NSMCE4A: variants seen among roughly 807,000 people sequenced by gnomAD.
NSMCE4A encodes NSE4A component of SMC5/6 complex, also known as non-structural maintenance of chromosomes element 4 homolog A.
A neutral mutation model predicts 47.9 loss-of-function variants in NSMCE4A; 40 were observed. The observed-to-expected ratio is 0.83, with a 90% confidence interval of 0.65 to 1.09. The LOEUF is 1.09. NSMCE4A is among the 50% of genes least tolerant of loss of function. The pLI is 0.00. For synonymous variants in NSMCE4A, 166 were observed against 178.5 expected (o/e 0.93, Z 0.56); for missense variants, 500 against 507.0 (o/e 0.99, Z 0.13).
chr10:121,965,613 C>A (rs1483088764), intron 4 of NSMCE4A, among the ~76,000 whole-genome samples: 1 of 152,228 alleles, frequency 6.6e-6, no homozygotes, highest in African/African-American at 2.4e-5. Flanking sequence ...CAGATACCTC[C>A]TCAGACACCT....
chr10:121,970,598 C>T (rs1952689700), intron 3 of NSMCE4A, among the ~76,000 whole-genome samples: 1 of 152,066 alleles, frequency 6.6e-6, no homozygotes, highest in Admixed American at 6.5e-5. Context: ...TGAGCTCTGC[C>T]ATCGCAGAGT....
intron 10 of NSMCE4A, among the ~76,000 whole-genome samples, chr10:121,958,825 C>CTTTTTTTTTTTT (rs778070060): frequency 2.7e-5 from 4 of 146,934 alleles, no homozygotes; most frequent in East Asian, 2.0e-4. Flanking sequence ...AGCTGCAAGT[C>CTTTTTTTTTTTT]TTTTTTTTGA....
Position 121,965,284 on chromosome 10 carries a change from A to G in NSMCE4A, c.753+2T>C. On this transcript the variant is annotated splice_donor_variant, in intron 5 of 10. Transcript: ENST00000369023. LOFTEE classifies it high-confidence loss of function. ...TTTTAAAAGCAACATTTTAAAACAA[A>G]CCTGGGCAGGCATTGCCCTCTCCTC... The G allele has an allele frequency of 6.3e-7, 1 of 1,599,262 alleles. No individual in the cohort carries two copies. Among genetic ancestry groups the G allele is most frequent in the East Asian group, 2.2e-5 (1 of 44,786 alleles).
chr10:121,972,249 G>T (rs180929095), intron 2 of NSMCE4A, among the ~76,000 whole-genome samples: 4 of 152,134 alleles, frequency 2.6e-5, no homozygotes, highest in South Asian at 2.1e-4. Flanking sequence ...TTTAACCTGG[G>T]GGGGGCAGAG....
chr10:121,965,449 C>T (rs1239049119), intron 4 of NSMCE4A, 64 bp from the exon 5 acceptor site: 1 of 1,288,356 alleles, frequency 7.8e-7, no homozygotes, highest in Admixed American at 1.8e-5. Flanking sequence ...ACTAACTTTA[C>T]TAACTAAAAG....
At chr10:121,966,041 G>A (rs1952600676) in intron 4 of NSMCE4A, 1 of 152,110 alleles carries the variant, frequency 6.6e-6, no homozygotes, top group Admixed American at 6.5e-5. Flanking sequence ...AATATAACAT[G>A]GTGGGCTACT....
chr10:121,973,861 T>C (rs565025127), intron 2 of NSMCE4A, 143 bp downstream of exon 2: 44 of 621,408 alleles, frequency 7.1e-5, no homozygotes, highest in Admixed American at 2.3e-4. Flanking sequence ...AAAAATGGCA[T>C]TATTGCTATA....
rs1274042482 is a variant in NSMCE4A, at chr10:121,974,977, G to A, written c.189C>T (p.Ser63=). 3 of 1,524,668 alleles carry A rather than the reference G, an allele frequency of 2.0e-6. No individual in the cohort carries two copies. The highest frequency in any genetic ancestry group is 1.4e-5 in the African/African-American group (1 of 69,518). The allele number at this position is 1,524,668 out of a possible 1,614,324, so 94.4% of individuals were successfully genotyped here. The change falls in exon 1 of 11, where the codon TCC becomes TCT. Residue 63 remains serine, a synonymous_variant. Coordinates refer to ENST00000369023, the MANE Select transcript of NSMCE4A (RefSeq NM_017615.3). ...PSLEDTEPSD[S]GDEMMDPASL... is the part of the protein sequence containing the mutation. ...TGGCCGGGTCCATCATCTCGTCCCC[G>A]GAATCCGACGGCTCTGTGTCCTCCA...
At chr10:121,972,580 A>T (rs1459229031) in intron 2 of NSMCE4A, among the ~76,000 whole-genome samples, 1 of 152,200 alleles carries the variant, frequency 6.6e-6, no homozygotes, top group Non-Finnish European at 1.5e-5. Flanking sequence ...ATTGCTTTAA[A>T]TACTGGAAAT....
Position 121,961,488 on chromosome 10 carries a change from C to T in NSMCE4A, c.874G>A (p.Val292Met). ...CGGGGGAAAGAATGAGGATCAACCA[C>T]AAAGTCAAAGAAGGACATTGGGGTA... The part of the protein sequence containing the change: ...PDTPMSFFDF[V>M]VDPHSFPRTV... The change falls in exon 7 of 11, where the codon GTG becomes ATG. Residue 292 changes from valine (V) to methionine (M), a missense_variant. Val to Met is a conservative substitution (Grantham distance 21, BLOSUM62 1). Coordinates refer to ENST00000369023, the MANE Select transcript of NSMCE4A (RefSeq NM_017615.3). 6.4e-7 allele frequency: 1 copy of T among 1,566,192 alleles called. No homozygotes were observed. The highest frequency in any genetic ancestry group is 1.7e-4 in the Middle Eastern group (1 of 5,908).
chr10:121,963,418 C>T (rs1357288287), intron 5 of NSMCE4A, 90 bp from the exon 6 acceptor site: 2 of 705,362 alleles, frequency 2.8e-6, no homozygotes, highest in African/African-American at 3.6e-5. Flanking sequence ...CTTTTCTTCT[C>T]TCTTGCACAC....
At chr10:121,958,693 T>C (rs1471827663) in intron 10 of NSMCE4A, among the ~76,000 whole-genome samples, 1 of 152,002 alleles carries the variant, frequency 6.6e-6, no homozygotes, top group African/African-American at 2.4e-5. Context: ...GGAGCATCCC[T>C]TGAGCCCAGG....
rs759544166 is a variant in NSMCE4A, at chr10:121,961,683, G to A, written c.845-166C>T. 10 of 500,914 alleles carry A rather than the reference G, an allele frequency of 2.0e-5. 1 individual carries two copies. Among genetic ancestry groups the A allele is most frequent in the Middle Eastern group, 4.3e-4 (1 of 2,334 alleles). The allele number at this position is 500,914 out of a possible 1,614,324, so 31.0% of individuals were successfully genotyped here. A position where few individuals can be genotyped will look rare whatever the true frequency, so the allele number is the denominator to read the frequency against. On this transcript the variant is annotated intron_variant, in intron 6 of 10. Coordinates refer to ENST00000369023, the MANE Select transcript of NSMCE4A (RefSeq NM_017615.3). ...AATTTGGCATCTCTACTAAAAACATGTATGCCCACTGACCTGGAAACCACC... is the reference window on the plus strand; with the variant it reads ...AATTTGGCATCTCTACTAAAAACATATATGCCCACTGACCTGGAAACCACC...
chr10:121,963,812 G>A (rs976794339), intron 5 of NSMCE4A, among the ~76,000 whole-genome samples: 2 of 151,774 alleles, frequency 1.3e-5, no homozygotes, highest in Admixed American at 6.6e-5. Context: ...CCCGGGAGGC[G>A]GAGCTTGCAG....
chr10:121,963,251 A>G lies in NSMCE4A; in HGVS notation c.831T>C (p.Tyr277=), dbSNP rs775000751. 4 of 1,606,520 alleles carry G rather than the reference A, an allele frequency of 2.5e-6. No homozygotes were observed. In the African/African-American group the frequency reaches 4.0e-5, roughly 16 times the overall value. Reference sequence around the variant, plus strand: ...TGTTACACTTACGATCTTCTCGAAAATATGTCTGCAACAATCCCAAGATTC... The same window carrying G: ...TGTTACACTTACGATCTTCTCGAAAGTATGTCTGCAACAATCCCAAGATTC... ...VERILGLLQT[Y]FREDPDTPMS... Residue 277 remains tyrosine, a synonymous_variant, in exon 6 of 11, where the codon TAT becomes TAC. Coordinates refer to ENST00000369023, the MANE Select transcript of NSMCE4A (RefSeq NM_017615.3).
At chr10:121,958,587 T>C (rs1413479703) in intron 10 of NSMCE4A, among the ~76,000 whole-genome samples, 1 of 152,114 alleles carries the variant, frequency 6.6e-6, no homozygotes, top group Non-Finnish European at 1.5e-5. Context: ...GGATTCAATA[T>C]TTCACTTATC....
chr10:121,959,886 T>G lies in NSMCE4A; in HGVS notation c.989-291A>C, dbSNP rs953128727. On this transcript the variant is annotated intron_variant, in intron 8 of 10. Coordinates refer to ENST00000369023, the MANE Select transcript of NSMCE4A (RefSeq NM_017615.3). ...CAGAGCTAAGCCCTAGTGAGTCCAA[T>G]AGGACATTGAGAACATTGAAAGTAG... The G allele has an allele frequency of 1.2e-5, 5 of 426,100 alleles. No individual in the cohort carries two copies. In the South Asian group the frequency reaches 1.4e-4, roughly 12 times the overall value. The allele number at this position is 426,100 out of a possible 1,614,324, so 26.4% of individuals were successfully genotyped here. A position where few individuals can be genotyped will look rare whatever the true frequency, so the allele number is the denominator to read the frequency against.
chr10:121,959,034 C>G (rs931641997), intron 10 of NSMCE4A, among the ~76,000 whole-genome samples: 3 of 152,056 alleles, frequency 2.0e-5, no homozygotes, highest in Non-Finnish European at 4.4e-5. Flanking sequence ...AGGCTGATCT[C>G]GAACTCCTGA....
At chr10:121,973,700 C>A (rs1250785935) in intron 2 of NSMCE4A, among the ~76,000 whole-genome samples, 1 of 152,162 alleles carries the variant, frequency 6.6e-6, no homozygotes, top group Non-Finnish European at 1.5e-5. Context: ...ACTAGGGATA[C>A]GGCAGTAAAC....
Sources: allele counts gnomAD v4.1 joint callset (sites outside exome capture counted in the v4.1 genomes callset), GRCh38; gene constraint gnomAD v4.1.1; transcripts MANE v1.5; gene names NCBI Gene and HGNC (gene_info 2026-07-23, HGNC 2026-07-21).